Variants in CYB5R2 observed in about 807,000 individuals in gnomAD.
The protein encoded by CYB5R2 is NADH-cytochrome b5 reductase 2.
Under a neutral mutation model 29.8 loss-of-function variants are expected in CYB5R2, and 35 were observed. That is an observed-to-expected ratio of 1.17 (90% CI 0.90 to 1.56). The LOEUF (loss-of-function observed/expected upper bound fraction) is 1.56, where lower values mean the gene tolerates loss of function less well. Among genes scored for constraint, CYB5R2 ranks in the 40% most tolerant of loss-of-function variants. CYB5R2 has a pLI of 0.00. For missense variants in CYB5R2, 419 were observed against 346.7 expected, an observed-to-expected ratio of 1.21 and a Z score of -1.66; for synonymous variants, 169 against 130.6, an observed-to-expected ratio of 1.29 and a Z score of -2.01.
At chr11:7,666,834 G>A in intron 7 of CYB5R2, 1 of 283,928 alleles carries the variant, frequency 3.5e-6, no homozygotes, top group South Asian at 4.4e-5. Context: ...GCCAAGCGCT[G>A]GCCAGGATGG....
chr11:7,668,460 C>T lies in CYB5R2; in HGVS notation c.472+18G>A. 6.3e-7 allele frequency: 1 copy of T among 1,598,974 alleles called. No individual in the cohort carries two copies. Reference sequence around the variant, plus strand: ...CTCGGGGCTCACTCTCTGGATGGAGCCCCTAGAAGCCTCTTACCTGTGCCC... The same window carrying T: ...CTCGGGGCTCACTCTCTGGATGGAGTCCCTAGAAGCCTCTTACCTGTGCCC... On this transcript the variant is annotated intron_variant, in intron 6 of 8. Coordinates refer to ENST00000299498, the MANE Select transcript of CYB5R2 (RefSeq NM_016229.5).
At position 7,672,893 on chromosome 11, in the gene CYB5R2, T is replaced by C; in HGVS notation, c.-66-2A>G. 6.2e-7 allele frequency: 1 copy of C among 1,611,294 alleles called. No homozygotes were observed. The highest frequency in any genetic ancestry group is 8.5e-7 in the Non-Finnish European group (1 of 1,178,670). ...GATGGTCAGGAGCAGGGACGGGTCC[T>C]GGCAGACACAATGTGAACAGAGCAC... On this transcript the variant is annotated splice_acceptor_variant, in intron 1 of 8. Transcript: ENST00000299498. LOFTEE classifies it low-confidence loss of function (5UTR_SPLICE).
intron 3 of CYB5R2, chr11:7,670,321 C>G (rs1398546911): frequency 3.3e-5 from 5 of 151,132 alleles, no homozygotes; most frequent in African/African-American, 1.2e-4. Flanking sequence ...CCACTGCATT[C>G]CAGCCTGGAC....
chr11:7,666,254 A>C, intron 8 of CYB5R2, 197 bp downstream of exon 8: 2 of 596,700 alleles, frequency 3.4e-6, no homozygotes, highest in South Asian at 4.2e-5. Context: ...CCTGCTCTCG[A>C]TTGCCCTTAA....
intron 8 of CYB5R2, chr11:7,666,069 G>A (rs1419727227): frequency 2.2e-5 from 15 of 694,500 alleles, no homozygotes; most frequent in Non-Finnish European, 3.8e-5. Context: ...TCCAGGTGAG[G>A]TGGGCGGTAA....
chr11:7,668,795 G>C (rs938552222), intron 5 of CYB5R2: 1 of 598,474 alleles, frequency 1.7e-6, no homozygotes, highest in Non-Finnish European at 3.0e-6. Context: ...CTTCTGTTCT[G>C]AGGAAAAAGA....
intron 6 of CYB5R2, among the ~76,000 whole-genome samples, chr11:7,668,082 A>G (rs1471799498): frequency 6.6e-6 from 1 of 151,872 alleles, no homozygotes; most frequent in Non-Finnish European, 1.5e-5. Flanking sequence ...TGACGGGTAA[A>G]TGTGATCGTT....
At chr11:7,667,293 T>A (rs1855344752) in intron 7 of CYB5R2, 2 of 149,706 alleles carry the variant, frequency 1.3e-5, no homozygotes, top group Non-Finnish European at 3.0e-5. Flanking sequence ...TTATAAAGCA[T>A]CTTAAAGAGA....
In CYB5R2 at chr11:7,665,407, C is replaced by A; in HGVS notation, c.798G>T (p.Leu266=). The stretch of plus-strand genomic sequence containing the variant: ...TGAAAATCATGTCCTGGGTATAACC[C>A]AGCTTCTCCAGGTTAGGGTGAGCCG... ...QTAAHPNLEK[L]GYTQDMIFTY Residue 266 remains leucine, a synonymous_variant, in exon 9 of 9, where the codon CTG becomes CTT. Coordinates refer to ENST00000299498, the MANE Select transcript of CYB5R2 (RefSeq NM_016229.5). 1 of 1,603,326 alleles carries A rather than the reference C, an allele frequency of 6.2e-7. No homozygotes were observed. The highest frequency in any genetic ancestry group is 1.7e-5 in the Admixed American group (1 of 57,866).
chr11:7,673,846 A>C (rs576438257), upstream of CYB5R2: 7 of 987,796 alleles, frequency 7.1e-6, no homozygotes, highest in African/African-American at 1.2e-4. Context: ...CGAGACCCGG[A>C]CACGCACGCC....
rs139533915 is a variant in CYB5R2, at chr11:7,669,655, A to G, written c.228T>C (p.Asp76=). 5.0e-6 allele frequency: 8 copies of G among 1,610,154 alleles called. No homozygotes were observed. In the African/African-American group the frequency reaches 6.7e-5, roughly 13 times the overall value. Residue 76 remains aspartate, a synonymous_variant, in exon 4 of 9, where the codon GAT becomes GAC. Coordinates refer to ENST00000299498, the MANE Select transcript of CYB5R2 (RefSeq NM_016229.5). ...VRAYTPVSSD[D]DRGFVDLIIK... is the part of the protein sequence containing the mutation. ...TAATTAGGTCCACAAAGCCTCTGTC[A>G]TCATCACTGGAGACAGGGGTGTAAG... is the stretch of plus-strand genomic sequence containing the variant.
rs61729556 is a variant in CYB5R2 at position 7,672,771 on chromosome 11, G to A, written c.55C>T (p.Pro19Ser). ...ITLQDPEAKYPLPLIEKEKIS... is the reference protein window; with the variant it reads ...ITLQDPEAKYSLPLIEKEKIS... The stretch of plus-strand genomic sequence containing the variant: ...ACCTCTTTCTCAATCAAGGGCAGCG[G>A]GTACTTGGCTTCAGGGTCCTGTAAG... The change falls in exon 2 of 9, where the codon CCG (proline) becomes TCG (serine). Residue 19 changes from proline (P) to serine (S), a missense_variant. Physicochemically the swap from Pro to Ser is moderately conservative, Grantham distance 74. Transcript: ENST00000299498. The A allele has an allele frequency of 0.036, 57,490 of 1,614,102 alleles. 1,236 individuals are homozygous for A. The highest frequency in any genetic ancestry group is 0.079 in the Middle Eastern group (478 of 6,062).
chr11:7,665,723 C>T (rs887049274), intron 8 of CYB5R2, 177 bp from the exon 9 acceptor site: 36 of 1,179,310 alleles, frequency 3.1e-5, no homozygotes, highest in Non-Finnish European at 3.9e-5. Context: ...CAGCCCTCTG[C>T]AGCAATCACC....
rs1855399485 is a variant in CYB5R2 at position 7,667,730 on chromosome 11, G to C, written c.556C>G (p.Gln186Glu). Reference protein sequence around the residue: ...RTRMSLIFANQTEEDILVRKE... With the variant: ...RTRMSLIFANETEEDILVRKE... Reference sequence around the variant, plus strand: ...CTGCAAGCTCAGCAGGAACTGACCTGGTTGGCAAAGATGAGGGACATCCTG... The same window carrying C: ...CTGCAAGCTCAGCAGGAACTGACCTCGTTGGCAAAGATGAGGGACATCCTG... Residue 186 changes from glutamine to glutamate, a missense_variant and splice_region_variant, in exon 7 of 9, where the codon CAG becomes GAG. Transcript: ENST00000299498. 2.5e-6 allele frequency: 4 copies of C among 1,613,542 alleles called. No homozygotes were observed. In the East Asian group the frequency reaches 8.9e-5, roughly 36 times the overall value.
In CYB5R2 at chr11:7,668,578, T is replaced by C; in HGVS notation, c.389-17A>G. ...CAAGATTCCCTGGAAACACAGAGAA[T>C]GCTTATGACCTCTGCAGTTCTTGCC... On this transcript the variant is annotated splice_polypyrimidine_tract_variant and intron_variant, in intron 5 of 8. Coordinates refer to ENST00000299498, the MANE Select transcript of CYB5R2 (RefSeq NM_016229.5). The C allele has an allele frequency of 6.2e-7, 1 of 1,601,458 alleles. No individual in the cohort carries two copies. The highest frequency in any genetic ancestry group is 8.6e-7 in the Non-Finnish European group (1 of 1,168,478).
At chr11:7,666,429 G>C (rs536831317) in intron 8 of CYB5R2, 22 bp downstream of exon 8, 3 of 1,498,450 alleles carry the variant, frequency 2.0e-6, no homozygotes, top group African/African-American at 2.8e-5. Flanking sequence ...CCCATGGTGA[G>C]TGAGGGCAAT....
upstream of CYB5R2, chr11:7,673,757 G>GAA: frequency 1.0e-6 from 1 of 971,790 alleles, no homozygotes; most frequent in South Asian, 4.9e-5. Context: ...ACTGGGGTTG[G>GAA]CCGGGGGCCG....
chr11:7,666,692 G>T, intron 7 of CYB5R2, 142 bp from the exon 8 acceptor site: 1 of 573,738 alleles, frequency 1.7e-6, no homozygotes, highest in Admixed American at 3.0e-5. Flanking sequence ...CGGCAAACAA[G>T]AGTTCTGCTG....
chr11:7,666,126 T>C, intron 8 of CYB5R2: 1 of 614,252 alleles, frequency 1.6e-6, no homozygotes, highest in Non-Finnish European at 2.9e-6. Context: ...AAGGGGTCAG[T>C]GCCCATATTA....
Sources: gnomAD v4.1 joint callset for allele counts (sites outside exome capture counted in the v4.1 genomes callset) on GRCh38, gnomAD v4.1.1 for gene constraint, MANE v1.5 for transcripts, NCBI Gene and HGNC (gene_info 2026-07-23, HGNC 2026-07-21) for gene names.